Variants in TFRC observed in about 807,000 individuals in gnomAD.
TFRC encodes the protein transferrin receptor protein 1.
In TFRC, 35 loss-of-function variants were observed where a neutral mutation model predicts 85.8. The observed-to-expected ratio is 0.41, with a 90% CI of 0.31 to 0.54. TFRC has a LOEUF of 0.54. TFRC is among the 20% of genes least tolerant of loss of function. TFRC has a pLI of 0.31. For synonymous variants in TFRC, 362 were observed against 328.6 expected, an observed-to-expected ratio of 1.10 and a Z score of -1.10; for missense variants, 828 against 921.5, an observed-to-expected ratio of 0.90 and a Z score of 1.31.
intron 14 of TFRC, among the ~76,000 whole-genome samples, chr3:196,059,614 AT>A (rs41297497): frequency 0.011 from 1,644 of 150,458 alleles, 29 homozygotes; most frequent in African/African-American, 0.037. Flanking sequence ...TTATTTATTT[AT>A]TTTTTTTTTA....
chr3:196,081,524 TC>T (rs1428423217), intron 1 of TFRC, among the ~76,000 whole-genome samples: 2 of 152,136 alleles, frequency 1.3e-5, no homozygotes, highest in Non-Finnish European at 2.9e-5. Context: ...TCCCAGCCGT[TC>T]CCTGGGGCGA....
intron 16 of TFRC, among the ~76,000 whole-genome samples, chr3:196,055,952 G>C (rs1272067642): frequency 1.3e-5 from 2 of 151,054 alleles, no homozygotes; most frequent in East Asian, 2.0e-4. Context: ...ACCCAGGCTA[G>C]AGTGCAGTGA....
At chr3:196,071,669 A>ATC (rs1353680811) in intron 5 of TFRC, among the ~76,000 whole-genome samples, 171 bp from the exon 6 acceptor site, 1 of 152,232 alleles carries the variant, frequency 6.6e-6, no homozygotes, top group Non-Finnish European at 1.5e-5. Context: ...CACGCCTGTA[A>ATC]TCCCAGCACT....
intron 15 of TFRC, 77 bp from the exon 16 acceptor site, chr3:196,058,442 A>G (rs1034309490): frequency 2.0e-6 from 3 of 1,505,562 alleles, no homozygotes; most frequent in Non-Finnish European, 2.7e-6. Flanking sequence ...CCCCCATCCA[A>G]AATAAATTCT....
Position 196,068,137 on chromosome 3 carries a change from GA to G in TFRC, c.802-8del, listed in dbSNP as rs1717886508. On this transcript the variant is annotated splice_polypyrimidine_tract_variant and splice_region_variant and intron_variant, in intron 7 of 18. Transcript: ENST00000360110. ...AGCTTTCAGCATTTGCAACCTAAAA[GA>G]AAACATATAAAGCTCAGAAAATGAA... 1 of 1,602,906 alleles carries G rather than the reference GA, an allele frequency of 6.2e-7. No homozygotes were observed. Among genetic ancestry groups the G allele is most frequent in the Non-Finnish European group, 8.5e-7 (1 of 1,172,370 alleles).
At position 196,068,029 on chromosome 3, in the gene TFRC, C is replaced by A; in HGVS notation, c.900+3G>T. ...ACGGTGATTTACTCAAGAAATAACTCACATGTCCAAAGAATGAAAGTTCTG... is the reference window on the plus strand; with the variant it reads ...ACGGTGATTTACTCAAGAAATAACTAACATGTCCAAAGAATGAAAGTTCTG... On this transcript the variant is annotated splice_donor_region_variant and intron_variant, in intron 8 of 18. Coordinates refer to ENST00000360110, the MANE Select transcript of TFRC (RefSeq NM_001128148.3). 1 of 1,609,510 alleles carries A rather than the reference C, an allele frequency of 6.2e-7. No homozygotes were observed. The highest frequency in any genetic ancestry group is 1.1e-5 in the South Asian group (1 of 90,154).
chr3:196,055,331 A>G, intron 16 of TFRC, 30 bp from the exon 17 acceptor site: 1 of 1,577,710 alleles, frequency 6.3e-7, no homozygotes, highest in Non-Finnish European at 8.7e-7. Flanking sequence ...TATGGTACTC[A>G]CGTGAGTTCT....
chr3:196,072,287 T>C (rs1345819161), intron 4 of TFRC, 135 bp from the exon 5 acceptor site: 18 of 1,199,368 alleles, frequency 1.5e-5, no homozygotes, highest in Middle Eastern at 5.7e-4. Context: ...GACCCAAAAC[T>C]TCTAGACTGA....
chr3:196,077,436 C>A (rs980145073), intron 1 of TFRC, among the ~76,000 whole-genome samples: 2 of 151,678 alleles, frequency 1.3e-5, no homozygotes, highest in Non-Finnish European at 2.9e-5. Context: ...AAGTACGAAC[C>A]ACTATGTTCT....
chr3:196,062,055 T>C (rs1219581742), intron 13 of TFRC, among the ~76,000 whole-genome samples: 1 of 151,770 alleles, frequency 6.6e-6, no homozygotes, highest in Non-Finnish European at 1.5e-5. Flanking sequence ...AACTCAGGAG[T>C]TTGACACCAG....
chr3:196,064,989 G>A (rs192876359), intron 10 of TFRC, among the ~76,000 whole-genome samples: 1 of 152,302 alleles, frequency 6.6e-6, no homozygotes, highest in East Asian at 1.9e-4. Flanking sequence ...TGGGCGCGGT[G>A]GCTCATGCCT....
At chr3:196,073,571 C>A (rs1341063708) in intron 4 of TFRC, among the ~76,000 whole-genome samples, 2 of 152,102 alleles carry the variant, frequency 1.3e-5, no homozygotes, top group African/African-American at 2.4e-5. Flanking sequence ...CTTCCTAAAA[C>A]AGAGAAAAGC....
At chr3:196,067,687 T>A in intron 8 of TFRC, 30 bp from the exon 9 acceptor site, 1 of 1,606,578 alleles carries the variant, frequency 6.2e-7, no homozygotes, top group East Asian at 2.2e-5. Context: ...ATTCACTCCA[T>A]CACATACTTC....
chr3:196,050,347 T>C lies in TFRC; in HGVS notation c.*1595A>G, dbSNP rs1039265105. On this transcript the variant is annotated 3_prime_UTR_variant, in exon 19 of 19. Coordinates refer to ENST00000360110, the MANE Select transcript of TFRC (RefSeq NM_001128148.3). ...GTGGTTGAATTTACCCACCCAATGC[T>C]TAATGACCACAAAATGTTTCTGCAA... The C allele has an allele frequency of 2.8e-5, 6 of 216,966 alleles. No individual in the cohort carries two copies. The highest frequency in any genetic ancestry group is 1.3e-4 in the African/African-American group (6 of 44,454). The allele number at this position is 216,966 out of a possible 1,614,324, so 13.4% of individuals were successfully genotyped here.
At chr3:196,070,231 T>C (rs1326549612) in intron 6 of TFRC, among the ~76,000 whole-genome samples, 1 of 151,286 alleles carries the variant, frequency 6.6e-6, no homozygotes, top group Non-Finnish European at 1.5e-5. Flanking sequence ...CCCCGAAAGG[T>C]ATCCACTAGA....
intron 6 of TFRC, among the ~76,000 whole-genome samples, chr3:196,070,774 A>AAATCATAATAATAATAAT (rs1718122728): frequency 7.4e-6 from 1 of 135,784 alleles, no homozygotes; most frequent in Non-Finnish European, 1.6e-5. Context: ...TGTCTCTACC[A>AAATCATAATAATAATAAT]AATAATAATA....
intron 14 of TFRC, among the ~76,000 whole-genome samples, chr3:196,059,268 C>T (rs531970098): frequency 5.3e-5 from 8 of 152,274 alleles, no homozygotes; most frequent in Middle Eastern, 3.4e-3. Flanking sequence ...GAGCCAAGAT[C>T]GCACCATTGC....
intron 5 of TFRC, 77 bp downstream of exon 5, chr3:196,071,926 C>A: frequency 6.6e-7 from 1 of 1,518,068 alleles, no homozygotes; most frequent in Non-Finnish European, 8.9e-7. Context: ...ACAACACTAA[C>A]AAAAAGTCTT....
chr3:196,075,203 C>T lies in TFRC; in HGVS notation c.194G>A (p.Ser65Asn). 2 of 1,614,204 alleles carry T rather than the reference C, an allele frequency of 1.2e-6. No individual in the cohort carries two copies. The highest frequency in any genetic ancestry group is 1.1e-5 in the South Asian group (1 of 91,086). Residue 65 changes from serine (S) to asparagine (N), a missense_variant, in exon 3 of 19, where the codon AGT (serine) becomes AAT (asparagine). Coordinates refer to ENST00000360110, the MANE Select transcript of TFRC (RefSeq NM_001128148.3). The stretch of plus-strand genomic sequence containing the variant: ...CACAGCAATAGTCCCATAGCAGATA[C>T]TTCCACTACACCTTTTTGGTTTTGT... ...NVTKPKRCSGSICYGTIAVIV... is the reference protein window; with the variant it reads ...NVTKPKRCSGNICYGTIAVIV...
Sources: gnomAD v4.1 joint callset for allele counts (sites outside exome capture counted in the v4.1 genomes callset) on GRCh38, gnomAD v4.1.1 for gene constraint, MANE v1.5 for transcripts, NCBI Gene and HGNC (gene_info 2026-07-23, HGNC 2026-07-21) for gene names.